DNAH14: variants seen among roughly 807,000 people sequenced by gnomAD.
DNAH14 encodes the protein dynein axonemal heavy chain 14.
In DNAH14, 478 loss-of-function variants were observed where a neutral mutation model predicts 520.9. The ratio of observed to expected loss-of-function variants is 0.92; its 90% CI spans 0.85 to 0.99. The LOEUF is 0.99. Ranked by LOEUF, DNAH14 falls within the 50% of genes least tolerant of loss-of-function variation. The probability of loss-of-function intolerance (pLI) is 0.00; values close to 1 mark genes in which losing one functional copy is unlikely to be tolerated. For synonymous variants in DNAH14, 1,581 were observed against 1,757.2 expected, an observed-to-expected ratio of 0.90 and a Z score of 2.51; for missense variants, 4,831 against 5,234.5, an observed-to-expected ratio of 0.92 and a Z score of 2.38.
rs1174345136 is a variant in DNAH14, at chr1:224,977,140, A to G, written c.830+2987A>G. Among the ~76,000 whole-genome samples the G allele has an allele frequency of 3.3e-5, 5 of 152,068 alleles. 1 individual carries two copies. The highest frequency in any genetic ancestry group is 2.1e-4 in the South Asian group (1 of 4,812). ...TAAGAAAATGTGGCACATATACACC[A>G]TGGAATACTATGCAGCCATAAAAAA... On this transcript the variant is annotated intron_variant, in intron 8 of 85. Transcript: ENST00000682510.
At position 225,236,709 on chromosome 1, in the gene DNAH14, A is replaced by C. The variant is rs573989063; in HGVS notation, c.6519-3884A>C. ...AAATTGAACCCTATACCTGTGAAGA[A>C]TGTCAATGGTAGTTTAATAGGAATA... On this transcript the variant is annotated intron_variant, in intron 42 of 85. Coordinates refer to ENST00000682510, the MANE Select transcript of DNAH14 (RefSeq NM_001367479.1). Among the ~76,000 whole-genome samples the C allele has an allele frequency of 5.9e-5, 9 of 152,342 alleles. No homozygotes were observed. The South Asian group carries it at 1.7e-3, about 28-fold the overall frequency.
chr1:225,094,695 C>CA (rs1167390504), intron 21 of DNAH14, among the ~76,000 whole-genome samples: 4 of 92,760 alleles, frequency 4.3e-5, no homozygotes, highest in East Asian at 3.6e-4. Flanking sequence ...AACAAACAAA[C>CA]AAAAAAACGC....
chr1:224,936,392 A>G (rs754942119), intron 1 of DNAH14, among the ~76,000 whole-genome samples: 30 of 151,636 alleles, frequency 2.0e-4, no homozygotes, highest in Non-Finnish European at 3.7e-4. Flanking sequence ...AGACACTACA[A>G]CTGATACCAA....
intron 23 of DNAH14, among the ~76,000 whole-genome samples, chr1:225,114,851 G>A (rs2076750182): frequency 6.6e-6 from 1 of 152,150 alleles, no homozygotes; most frequent in South Asian, 2.1e-4. Flanking sequence ...ACAGGGGGTG[G>A]GGGAAGGGTG....
rs557271961 is a variant in DNAH14, at chr1:225,273,132, T to G, written c.8010+7T>G. On this transcript the variant is annotated splice_region_variant and intron_variant, in intron 52 of 85. Coordinates refer to ENST00000682510, the MANE Select transcript of DNAH14 (RefSeq NM_001367479.1). ...ACTTGAGAACTGTTTTCAGGTAAATTTATATTTTAAAAATTATTGGCCGGG... is the reference window on the plus strand; with the variant it reads ...ACTTGAGAACTGTTTTCAGGTAAATGTATATTTTAAAAATTATTGGCCGGG... 3.8e-5 allele frequency: 58 copies of G among 1,545,570 alleles called. No individual in the cohort carries two copies. The African/African-American group carries it at 6.3e-4, about 17-fold the overall frequency.
intron 27 of DNAH14, among the ~76,000 whole-genome samples, chr1:225,135,709 CTT>C (rs1559068404): frequency 6.6e-6 from 1 of 152,000 alleles, no homozygotes; most frequent in Non-Finnish European, 1.5e-5. Context: ...TTCTAAATAT[CTT>C]TGTTTATTTT....
At chr1:225,360,193 T>C (rs6684916) in intron 74 of DNAH14, among the ~76,000 whole-genome samples, 62,102 of 152,102 alleles carry the variant, frequency 0.41, 13,245 homozygotes, top group East Asian at 0.62. Context: ...CTTTCTATGA[T>C]TGCATAGTGT....
intron 58 of DNAH14, among the ~76,000 whole-genome samples, chr1:225,307,240 T>C (rs1010156793): frequency 3.9e-5 from 6 of 152,160 alleles, no homozygotes; most frequent in African/African-American, 1.4e-4. Context: ...AAATGTTTTT[T>C]CTGCATCAAT....
intron 11 of DNAH14, among the ~76,000 whole-genome samples, chr1:225,028,271 T>G (rs553106125): frequency 1.3e-5 from 2 of 152,172 alleles, no homozygotes; most frequent in Admixed American, 6.6e-5. Flanking sequence ...TGTGTGTGTG[T>G]GGGATGTATT....
At position 225,337,456 on chromosome 1, in the gene DNAH14, T is replaced by A. The variant is rs2095080717; in HGVS notation, c.10271T>A (p.Ile3424Asn). The A allele has an allele frequency of 6.4e-7, 1 of 1,551,706 alleles. No individual in the cohort carries two copies. The highest frequency in any genetic ancestry group is 1.4e-5 in the African/African-American group (1 of 73,078). ...GAAGACAGCAATTATACCAAAAAAA[T>A]TGAAAATGCTATGAAGACAGGAGGG... ...SIEDSNYTKK[I>N]ENAMKTGGSV... Residue 3424 changes from isoleucine to asparagine, a missense_variant, in exon 67 of 86, where the codon ATT (isoleucine) becomes AAT (asparagine). Ile to Asn is a moderately radical substitution (Grantham distance 149, BLOSUM62 -3). Coordinates refer to ENST00000682510, the MANE Select transcript of DNAH14 (RefSeq NM_001367479.1).
At chr1:225,185,478 C>T (rs1452562875) in intron 37 of DNAH14, 53 bp downstream of exon 37, 2 of 1,447,808 alleles carry the variant, frequency 1.4e-6, no homozygotes, top group South Asian at 2.9e-5. Flanking sequence ...TCTTATTTTA[C>T]ACTTTAATAT....
intron 62 of DNAH14, among the ~76,000 whole-genome samples, chr1:225,323,853 G>C (rs1448219886): frequency 2.0e-5 from 3 of 151,338 alleles, no homozygotes; most frequent in Non-Finnish European, 4.4e-5. Flanking sequence ...GTCTCACTCT[G>C]TGCACTCGCT....
chr1:225,313,167 T>C (rs932706972), intron 60 of DNAH14, among the ~76,000 whole-genome samples: 1 of 152,206 alleles, frequency 6.6e-6, no homozygotes. Context: ...CCTGGTTTAG[T>C]CTTGGGAGGG....
At chr1:225,126,912 AGTTCTC>A (rs1467293819) in intron 27 of DNAH14, among the ~76,000 whole-genome samples, 1 of 149,124 alleles carries the variant, frequency 6.7e-6, no homozygotes, top group Non-Finnish European at 1.5e-5. Flanking sequence ...GTTGTGTCTT[AGTTCTC>A]GTTGGTTTCA....
At chr1:225,385,180 C>G (rs937603799) in intron 81 of DNAH14, among the ~76,000 whole-genome samples, 17 of 151,620 alleles carry the variant, frequency 1.1e-4, no homozygotes, top group South Asian at 2.1e-4. Flanking sequence ...ATTCAACAAC[C>G]CTTCATGCTA....
intron 21 of DNAH14, among the ~76,000 whole-genome samples, chr1:225,088,447 A>T (rs569443182): frequency 6.6e-6 from 1 of 152,324 alleles, no homozygotes; most frequent in South Asian, 2.1e-4. Context: ...GAACTTAAAA[A>T]TATAACATTG....
Position 225,360,896 on chromosome 1 carries a change from G to C in DNAH14, c.11987+5G>C. On this transcript the variant is annotated splice_donor_5th_base_variant and intron_variant, in intron 75 of 85. Coordinates refer to ENST00000682510, the MANE Select transcript of DNAH14 (RefSeq NM_001367479.1). Reference sequence around the variant, plus strand: ...GCTTTGCACAATTGTAGAATCGTAAGAGTTTTACATTTATCTGTAAGGGAT... The same window carrying C: ...GCTTTGCACAATTGTAGAATCGTAACAGTTTTACATTTATCTGTAAGGGAT... 6.4e-7 allele frequency: 1 copy of C among 1,550,508 alleles called. No individual in the cohort carries two copies. The highest frequency in any genetic ancestry group is 8.7e-7 in the Non-Finnish European group (1 of 1,146,010).
At chr1:224,960,389 A>C (rs2060772310) in intron 4 of DNAH14, 87 bp downstream of exon 4, 1 of 1,325,650 alleles carries the variant, frequency 7.5e-7, no homozygotes, top group East Asian at 2.7e-5. Flanking sequence ...TTGGACACTG[A>C]CTTTAGAAAA....
In DNAH14 at chr1:225,144,537, C is replaced by T; in HGVS notation, c.4649C>T (p.Thr1550Ile). 1.9e-6 allele frequency: 3 copies of T among 1,551,464 alleles called. No homozygotes were observed. The highest frequency in any genetic ancestry group is 1.2e-5 in the South Asian group (1 of 84,050). Residue 1550 changes from threonine to isoleucine, a missense_variant, in exon 29 of 86, where the codon ACT (threonine) becomes ATT (isoleucine). Transcript: ENST00000682510. Reference sequence around the variant, plus strand: ...CCTCTCACAGACCGATGCTGGCTGACTCTCATGGAAGCACTACACTTGAAT... The same window carrying T: ...CCTCTCACAGACCGATGCTGGCTGATTCTCATGGAAGCACTACACTTGAAT... The part of the protein sequence containing the change: ...ITPLTDRCWL[T>I]LMEALHLNLG...
Sources: gnomAD v4.1 joint callset for allele counts (sites outside exome capture counted in the v4.1 genomes callset) on GRCh38, gnomAD v4.1.1 for gene constraint, MANE v1.5 for transcripts, NCBI Gene and HGNC (gene_info 2026-07-23, HGNC 2026-07-21) for gene names.